RNASEH2B: variants seen among roughly 807,000 people sequenced by gnomAD.
RNASEH2B encodes ribonuclease H2 subunit B.
In RNASEH2B, 36 loss-of-function variants were observed where a neutral mutation model predicts 45.0. The ratio of observed to expected loss-of-function variants is 0.80; its 90% CI spans 0.61 to 1.06. The LOEUF is 1.06. RNASEH2B is among the 50% of genes least tolerant of loss of function. The pLI, the probability that RNASEH2B is intolerant of heterozygous loss-of-function variation, is 0.00. For missense variants in RNASEH2B, 361 were observed against 360.3 expected (o/e 1.00, Z -0.02); for synonymous variants, 119 against 125.7 (o/e 0.95, Z 0.35).
At chr13:50,938,144 A>C (rs1951782510) in intron 5 of RNASEH2B, 1 of 152,262 alleles carries the variant, frequency 6.6e-6, no homozygotes, top group South Asian at 2.1e-4. Context: ...GAACAATTGG[A>C]TAATGGAATA....
chr13:50,943,517 T>A, intron 6 of RNASEH2B, 123 bp downstream of exon 6: 1 of 737,468 alleles, frequency 1.4e-6, no homozygotes, highest in South Asian at 1.5e-5. Flanking sequence ...AGAGGAAAAT[T>A]GTGTAGAGAT....
At chr13:50,921,026 AT>A (rs1233113643) in intron 1 of RNASEH2B, among the ~76,000 whole-genome samples, 1 of 152,210 alleles carries the variant, frequency 6.6e-6, no homozygotes, top group African/African-American at 2.4e-5. Context: ...TGATCTTATT[AT>A]TCCCTACGTG....
chr13:50,943,288 A>G (rs1442398838), intron 5 of RNASEH2B, 33 bp from the exon 6 acceptor site: 1 of 1,224,054 alleles, frequency 8.2e-7, no homozygotes, highest in South Asian at 1.3e-5. Context: ...TTTTTTTTTA[A>G]TTCATTGTGC....
intron 9 of RNASEH2B, chr13:50,953,013 A>G (rs1951996707): frequency 6.6e-6 from 1 of 152,244 alleles, no homozygotes; most frequent in South Asian, 2.1e-4. Context: ...GAAGCTGGGA[A>G]GAAGTCTGTT....
At chr13:50,965,000 A>G (rs1226554805) in intron 9 of RNASEH2B, among the ~76,000 whole-genome samples, 1 of 152,132 alleles carries the variant, frequency 6.6e-6, no homozygotes, top group African/African-American at 2.4e-5. Flanking sequence ...CTCCCTGCAT[A>G]GGACCTTGCC....
At chr13:50,925,344 A>G (rs1272338257) in intron 1 of RNASEH2B, among the ~76,000 whole-genome samples, 1 of 152,002 alleles carries the variant, frequency 6.6e-6, no homozygotes, top group East Asian at 1.9e-4. Flanking sequence ...TTGTTTACTC[A>G]TTATGGGCCA....
At chr13:50,924,728 T>G (rs1465751785) in intron 1 of RNASEH2B, among the ~76,000 whole-genome samples, 1 of 152,112 alleles carries the variant, frequency 6.6e-6, no homozygotes, top group Non-Finnish European at 1.5e-5. Flanking sequence ...GTGTATTTTT[T>G]GTAGAGACAG....
At chr13:50,914,119 T>G (rs1335892018) in intron 1 of RNASEH2B, among the ~76,000 whole-genome samples, 1 of 151,814 alleles carries the variant, frequency 6.6e-6, no homozygotes, top group Non-Finnish European at 1.5e-5. Flanking sequence ...GCCTCTTGTT[T>G]TGGGGGAGGA....
chr13:50,957,573 T>C (rs1952068042), downstream of RNASEH2B, among the ~76,000 whole-genome samples: 1 of 152,228 alleles, frequency 6.6e-6, no homozygotes, highest in Admixed American at 6.5e-5. Flanking sequence ...CAGGTGCATG[T>C]ATCTTTTTGG....
intron 5 of RNASEH2B, chr13:50,938,044 C>G (rs2137963662): frequency 6.6e-6 from 1 of 152,260 alleles, no homozygotes; most frequent in East Asian, 1.9e-4. Flanking sequence ...CCAAAAGAAT[C>G]TACAAAAGAA....
At chr13:50,970,220 A>G in exon 10 of RNASEH2B, 1 of 579,218 alleles carries the variant, frequency 1.7e-6, no homozygotes, top group Non-Finnish European at 3.0e-6. Flanking sequence ...GCACCTGTTC[A>G]GTCTGAGGAC....
At chr13:50,910,797 A>C (rs1450296380) in intron 1 of RNASEH2B, 1 of 152,230 alleles carries the variant, frequency 6.6e-6, no homozygotes, top group Non-Finnish European at 1.5e-5. Flanking sequence ...ATTAAATGAC[A>C]CAGTTAAAGG....
Position 50,934,883 on chromosome 13 carries a change from A to C in RNASEH2B, c.322-2A>C, listed in dbSNP as rs772788079. ...TTGCTTTCCAACTAACTGTTTTTTCAGGGGAAGTTTCAGCCCCTTGATCAA... is the reference window on the plus strand; with the variant it reads ...TTGCTTTCCAACTAACTGTTTTTTCCGGGGAAGTTTCAGCCCCTTGATCAA... On this transcript the variant is annotated splice_acceptor_variant, in intron 4 of 10. Coordinates refer to ENST00000336617, the MANE Select transcript of RNASEH2B (RefSeq NM_024570.4). LOFTEE classifies it high-confidence loss of function. 6.3e-7 allele frequency: 1 copy of C among 1,599,096 alleles called. No homozygotes were observed. The highest frequency in any genetic ancestry group is 8.6e-7 in the Non-Finnish European group (1 of 1,167,220).
intron 5 of RNASEH2B, chr13:50,938,707 A>C (rs1332925518): frequency 1.3e-5 from 2 of 152,282 alleles, no homozygotes; most frequent in Non-Finnish European, 2.9e-5. Context: ...CTGTTCTGAC[A>C]GGAGGCAGAG....
At chr13:50,934,608 G>A in intron 4 of RNASEH2B, 1 of 446,846 alleles carries the variant, frequency 2.2e-6, no homozygotes, top group Non-Finnish European at 4.1e-6. Flanking sequence ...GTGGCTTCCA[G>A]TGCTTTTGTA....
At chr13:50,937,434 C>T (rs1231906782) in intron 5 of RNASEH2B, 2 of 151,738 alleles carry the variant, frequency 1.3e-5, no homozygotes, top group African/African-American at 2.4e-5. Flanking sequence ...TCTATGTTAC[C>T]CAAGCTGGTC....
At chr13:50,925,321 T>C (rs1951579340) in intron 1 of RNASEH2B, among the ~76,000 whole-genome samples, 1 of 152,220 alleles carries the variant, frequency 6.6e-6, no homozygotes, top group Non-Finnish European at 1.5e-5. Flanking sequence ...TACCCCTCTT[T>C]CAGTAATTGA....
chr13:50,968,099 C>G (rs994268357), intron 9 of RNASEH2B, among the ~76,000 whole-genome samples: 1 of 152,170 alleles, frequency 6.6e-6, no homozygotes, highest in African/African-American at 2.4e-5. Context: ...TTACAGTTCT[C>G]ACAGCAATCA....
rs533002724 is a variant in RNASEH2B, at chr13:50,947,027, G to A, written c.617-960G>A. ...TTTTGACATCAGGTGGTCCCCAGACGGCAGTCATTTTCTATGTAATACTGA... is the reference window on the plus strand; with the variant it reads ...TTTTGACATCAGGTGGTCCCCAGACAGCAGTCATTTTCTATGTAATACTGA... On this transcript the variant is annotated intron_variant, in intron 7 of 10. Transcript: ENST00000336617. Among the ~76,000 whole-genome samples the A allele has an allele frequency of 2.0e-5, 3 of 152,138 alleles. No individual in the cohort carries two copies. In the South Asian group the frequency reaches 6.2e-4, roughly 32 times the overall value.
Sources: allele counts gnomAD v4.1 joint callset (sites outside exome capture counted in the v4.1 genomes callset), GRCh38; gene constraint gnomAD v4.1.1; transcripts MANE v1.5; gene names NCBI Gene and HGNC (gene_info 2026-07-23, HGNC 2026-07-21).